The following AKAP9 variants were observed in gnomAD, a reference collection of about 807,000 sequenced individuals.
AKAP9 encodes the protein A-kinase anchoring protein 9.
Under a neutral mutation model 488.5 loss-of-function variants are expected in AKAP9, and 311 were observed. That is an observed-to-expected ratio of 0.64 (90% CI 0.58 to 0.70). The LOEUF (loss-of-function observed/expected upper bound fraction) is 0.70, where lower values mean the gene tolerates loss of function less well. Among genes scored for constraint, AKAP9 ranks in the 30% least tolerant of loss-of-function variants. The pLI is 0.00. For missense variants in AKAP9, 4,215 were observed against 4,374.5 expected (o/e 0.96, Z 1.03); for synonymous variants, 1,462 against 1,483.5 (o/e 0.99, Z 0.33).
At chr7:92,095,957 T>A (rs1246746530) in intron 40 of AKAP9, among the ~76,000 whole-genome samples, 2 of 152,192 alleles carry the variant, frequency 1.3e-5, no homozygotes, top group African/African-American at 4.8e-5. Context: ...ATAAGCCCTA[T>A]TATTTTTAGC....
intron 44 of AKAP9, 174 bp downstream of exon 44, chr7:92,100,043 T>TTACTGTTATTTATTGGAAACCATCTC: frequency 1.7e-6 from 1 of 585,760 alleles, no homozygotes; most frequent in Non-Finnish European, 3.0e-6. Flanking sequence ...GTTATAATAA[T>TTACTGTTATTTATTGGAAACCATCTC]TACTGTTATT....
chr7:92,031,919 G>A (rs1804323473), intron 16 of AKAP9, among the ~76,000 whole-genome samples: 2 of 152,334 alleles, frequency 1.3e-5, no homozygotes, highest in Middle Eastern at 3.4e-3. Flanking sequence ...AAAAGAAAGA[G>A]AAAGTGGTTG....
intron 33 of AKAP9, 179 bp downstream of exon 33, chr7:92,083,834 T>G (rs1338089538): frequency 1.6e-6 from 1 of 630,910 alleles, no homozygotes; most frequent in African/African-American, 1.8e-5. Context: ...TTCCTTTTTT[T>G]TCTTTTGTTA....
chr7:91,963,482 TCACACACACACACACACACACACA>T (rs56800758), intron 1 of AKAP9, among the ~76,000 whole-genome samples: 59 of 139,230 alleles, frequency 4.2e-4, no homozygotes, highest in African/African-American at 1.4e-3. Flanking sequence ...AACATATTTG[TCACACACACACACACACACACACA>T]CACACACACA....
intron 22 of AKAP9, among the ~76,000 whole-genome samples, chr7:92,056,060 T>C (rs1249558474): frequency 7.7e-6 from 1 of 129,144 alleles, no homozygotes; most frequent in African/African-American, 3.1e-5. Context: ...TGGTCATCTT[T>C]CTGAACATGA....
chr7:91,972,736 A>G (rs1021784503), intron 1 of AKAP9, among the ~76,000 whole-genome samples: 5 of 152,214 alleles, frequency 3.3e-5, no homozygotes, highest in East Asian at 1.9e-4. Flanking sequence ...TACCGACCTA[A>G]TGGAAGCCTC....
chr7:92,109,803 T>C (rs552438050), intron 49 of AKAP9, among the ~76,000 whole-genome samples: 1 of 151,942 alleles, frequency 6.6e-6, no homozygotes, highest in African/African-American at 2.4e-5. Context: ...ATACAAAAAT[T>C]TGCTGGACAT....
At position 92,049,074 on chromosome 7, in the gene AKAP9, A is replaced by T. The variant is rs1281065677; in HGVS notation, c.5369-3652A>T. Among the ~76,000 whole-genome samples, 3 of 152,264 alleles carry T rather than the reference A, an allele frequency of 2.0e-5. No individual in the cohort carries two copies. In the East Asian group the frequency reaches 5.8e-4, roughly 29 times the overall value. ...TTTATCACATTGCCTATCCCACTTA[A>T]ACCTGAGGAGTTTATCGTTACCTGT... is the stretch of plus-strand genomic sequence containing the variant. On this transcript the variant is annotated intron_variant, in intron 21 of 49. Transcript: ENST00000356239.
intron 31 of AKAP9, among the ~76,000 whole-genome samples, chr7:92,081,741 TTAGCATATGAC>T (rs1813625990): frequency 6.6e-6 from 1 of 152,034 alleles, no homozygotes; most frequent in Admixed American, 6.6e-5. Context: ...CAGTTATTTC[TTAGCATATGAC>T]AGATAGGACA....
intron 8 of AKAP9, among the ~76,000 whole-genome samples, chr7:92,010,603 T>G (rs1800600549): frequency 6.6e-6 from 1 of 152,232 alleles, no homozygotes; most frequent in Non-Finnish European, 1.5e-5. Flanking sequence ...AAGCAGTTAT[T>G]CCACATTGGC....
intron 8 of AKAP9, among the ~76,000 whole-genome samples, chr7:92,008,389 C>T (rs1679367341): frequency 6.7e-6 from 1 of 149,256 alleles, no homozygotes; most frequent in African/African-American, 2.5e-5. Flanking sequence ...AAGTATTAGA[C>T]TTTCAAGAAT....
At chr7:91,969,078 C>G (rs970981800) in intron 1 of AKAP9, among the ~76,000 whole-genome samples, 1 of 151,808 alleles carries the variant, frequency 6.6e-6, no homozygotes, top group Non-Finnish European at 1.5e-5. Flanking sequence ...ACCTGGGCAA[C>G]AAAGTGAAAT....
chr7:91,997,157 G>T (rs1041590256), intron 7 of AKAP9, among the ~76,000 whole-genome samples: 1 of 152,126 alleles, frequency 6.6e-6, no homozygotes, highest in African/African-American at 2.4e-5. Context: ...AAATTATTAG[G>T]TAAATATTTA....
intron 1 of AKAP9, among the ~76,000 whole-genome samples, chr7:91,956,176 G>A (rs1333865171): frequency 2.6e-5 from 4 of 151,670 alleles, no homozygotes; most frequent in Admixed American, 2.0e-4. Flanking sequence ...TGAGGCGGGC[G>A]GATCACGAGG....
chr7:92,079,548 A>G lies in AKAP9; in HGVS notation c.7415A>G (p.Asp2472Gly). The G allele has an allele frequency of 6.2e-7, 1 of 1,613,822 alleles. No individual in the cohort carries two copies. Among genetic ancestry groups the G allele is most frequent in the Non-Finnish European group, 8.5e-7 (1 of 1,179,984 alleles). ...GAACTAGAAGTAGTCCTTACAGAGG[A>G]TGCTCTTAAATCCCTAGAAAATCAG... ...KPELEVVLTE[D>G]ALKSLENQTY... The change falls in exon 31 of 50, where the codon GAT (aspartate) becomes GGT (glycine). Residue 2472 changes from aspartate (D) to glycine (G), a missense_variant. Asp to Gly is a moderately conservative substitution (Grantham distance 94). This residue lies in a region of AKAP9 where 1,476 missense variants were observed against 1,477.4 expected (regional missense o/e 1.00). Coordinates refer to ENST00000356239, the MANE Select transcript of AKAP9 (RefSeq NM_005751.5).
In AKAP9 at chr7:91,973,949, A is replaced by C. The variant is rs745945508; in HGVS notation, c.287A>C (p.Glu96Ala). The change falls in exon 2 of 50, where the codon GAG becomes GCG. Residue 96 changes from glutamate to alanine, a missense_variant. Coordinates refer to ENST00000356239, the MANE Select transcript of AKAP9 (RefSeq NM_005751.5). ...CATAGTGGAGAAATAACCAGTCATG[A>C]GCAGGGCTTCTCTGTGGAAGTAAGT... ...TLHSGEITSHEQGFSVELESE... is the reference protein window; with the variant it reads ...TLHSGEITSHAQGFSVELESE... 6 of 1,613,964 alleles carry C rather than the reference A, an allele frequency of 3.7e-6. No individual in the cohort carries two copies. Among genetic ancestry groups the C allele is most frequent in the Non-Finnish European group, 5.1e-6 (6 of 1,179,972 alleles).
chr7:92,007,972 A>G (rs539303867), intron 8 of AKAP9, among the ~76,000 whole-genome samples: 3 of 152,352 alleles, frequency 2.0e-5, no homozygotes, highest in Admixed American at 6.5e-5. Context: ...TAGACTTAAG[A>G]AAAGTAAAAA....
At chr7:92,030,015 T>C in intron 15 of AKAP9, 24 bp downstream of exon 15, 1 of 1,467,894 alleles carries the variant, frequency 6.8e-7, no homozygotes, top group South Asian at 1.2e-5. Context: ...AATTTTTATC[T>C]TTTAACTGTT....
intron 14 of AKAP9, among the ~76,000 whole-genome samples, chr7:92,029,183 G>A (rs1424013261): frequency 3.3e-5 from 5 of 150,176 alleles, no homozygotes; most frequent in African/African-American, 4.9e-5. Context: ...TAAGTTAAGC[G>A]TTTTAAGAAA....
Sources: allele counts gnomAD v4.1 joint callset (sites outside exome capture counted in the v4.1 genomes callset), GRCh38; gene constraint gnomAD v4.1.1; regional missense constraint gnomAD v4.1.1; transcripts MANE v1.5; gene names NCBI Gene and HGNC (gene_info 2026-07-23, HGNC 2026-07-21).